Variants in ABCC3 observed in about 807,000 individuals in gnomAD.
ABCC3 encodes the protein ATP-binding cassette sub-family C member 3.
In ABCC3, 121 loss-of-function variants were observed where a neutral mutation model predicts 165.3. The ratio of observed to expected loss-of-function variants is 0.73; its 90% CI spans 0.63 to 0.85. ABCC3 has a LOEUF of 0.85. ABCC3 is among the 40% of genes least tolerant of loss of function. The pLI, the probability that ABCC3 is intolerant of heterozygous loss-of-function variation, is 0.00. For synonymous variants in ABCC3, 733 were observed against 810.1 expected (o/e 0.90, Z 1.62); for missense variants, 1,869 against 1,964.1 (o/e 0.95, Z 0.92).
intron 29 of ABCC3, among the ~76,000 whole-genome samples, chr17:50,685,826 TCTCCTC>T (rs1167500284): frequency 6.6e-6 from 1 of 151,984 alleles, no homozygotes; most frequent in Non-Finnish European, 1.5e-5. Flanking sequence ...CCCTCCATCT[TCTCCTC>T]CTCCTCCTCC....
intron 1 of ABCC3, among the ~76,000 whole-genome samples, chr17:50,644,324 A>AAAAAG (rs1213427602): frequency 6.7e-6 from 1 of 148,916 alleles, no homozygotes; most frequent in Non-Finnish European, 1.5e-5. Context: ...AAAAAAAAAA[A>AAAAAG]AAAAAAAAGG....
Position 50,668,453 on chromosome 17 carries a change from C to G in ABCC3, c.1806C>G (p.Ile602Met), listed in dbSNP as rs199965906. Residue 602 changes from isoleucine (I) to methionine (M), a missense_variant, in exon 14 of 31, where the codon ATC (isoleucine) becomes ATG (methionine). By Grantham distance (10) the Ile-to-Met change is conservative. Coordinates refer to ENST00000285238, the MANE Select transcript of ABCC3 (RefSeq NM_003786.4). ...LTQASVSLKRIQQFLSQEELD... is the reference protein window; with the variant it reads ...LTQASVSLKRMQQFLSQEELD... ...AGGCCAGTGTGTCTCTGAAACGGAT[C>G]CAGCAATTCCTGAGCCAAGAGGAAC... is the stretch of plus-strand genomic sequence containing the variant. 50 of 1,613,948 alleles carry G rather than the reference C, an allele frequency of 3.1e-5. No homozygotes were observed. Among genetic ancestry groups the G allele is most frequent in the Non-Finnish European group, 4.2e-5 (50 of 1,179,928 alleles).
At position 50,680,586 on chromosome 17, in the gene ABCC3, C is replaced by A. The variant is rs549577078; in HGVS notation, c.3807+687C>A. ...CTGGGACTCCCAATCCCATGACCCC[C>A]CTTTGTGTCTCTGTCCATCAGCTTC... On this transcript the variant is annotated intron_variant, in intron 26 of 30. Transcript: ENST00000285238. Among the ~76,000 whole-genome samples the A allele has an allele frequency of 7.2e-5, 11 of 152,308 alleles. No individual in the cohort carries two copies. The East Asian group carries it at 7.7e-4, about 11-fold the overall frequency.
chr17:50,686,065 G>A (rs1395442741), intron 29 of ABCC3, among the ~76,000 whole-genome samples: 1 of 152,144 alleles, frequency 6.6e-6, no homozygotes, highest in Non-Finnish European at 1.5e-5. Flanking sequence ...GTGATGGCGG[G>A]CGCCTGTAAT....
intron 1 of ABCC3, among the ~76,000 whole-genome samples, chr17:50,636,267 C>CAG: frequency 6.6e-6 from 1 of 151,948 alleles, no homozygotes; most frequent in Non-Finnish European, 1.5e-5. Context: ...GTGCTGTGCA[C>CAG]GTGTGTGCAC....
At position 50,683,652 on chromosome 17, in the gene ABCC3, C is replaced by A. The variant is rs539388070; in HGVS notation, c.3850C>A (p.Pro1284Thr). 11 of 1,599,818 alleles carry A rather than the reference C, an allele frequency of 6.9e-6. No individual in the cohort carries two copies. The South Asian group carries it at 1.1e-4, about 16-fold the overall frequency. The change falls in exon 27 of 31, where the codon CCC becomes ACC. Residue 1284 changes from proline (P) to threonine (T), a missense_variant. Pro to Thr is a conservative substitution (Grantham distance 38). Coordinates refer to ENST00000285238, the MANE Select transcript of ABCC3 (RefSeq NM_003786.4). ...AGGCAGCCGCCCTCCCGAAGGTTGG[C>A]CCCCACGTGGGGAGGTGGAGTTCCG... Reference protein sequence around the residue: ...VEGSRPPEGWPPRGEVEFRNY... With the variant: ...VEGSRPPEGWTPRGEVEFRNY...
Position 50,658,419 on chromosome 17 carries a change from T to C in ABCC3, c.613-16T>C. The C allele has an allele frequency of 2.5e-6, 4 of 1,612,786 alleles. No homozygotes were observed. The highest frequency in any genetic ancestry group is 3.4e-6 in the Non-Finnish European group (4 of 1,178,770). On this transcript the variant is annotated splice_polypyrimidine_tract_variant and intron_variant, in intron 5 of 30. Coordinates refer to ENST00000285238, the MANE Select transcript of ABCC3 (RefSeq NM_003786.4). ...GGGCACTCCTGATTCCCCCGTCCTATTCTCTCGCCTTCTAGAACCCCTACC... is the reference window on the plus strand; with the variant it reads ...GGGCACTCCTGATTCCCCCGTCCTACTCTCTCGCCTTCTAGAACCCCTACC...
Position 50,655,997 on chromosome 17 carries a change from A to T in ABCC3, c.211A>T (p.Lys71Ter). The change falls in exon 2 of 31, where the codon AAG (lysine) becomes TAG (stop). Residue 71 changes from lysine (K) to a stop codon, truncating the protein, a stop_gained. Transcript: ENST00000285238. LOFTEE classifies it high-confidence loss of function. Reference protein sequence around the residue: ...RGYIILSHLSKLKMVLGVLLW... With the variant: ...RGYIILSHLS ...CTACATCATCCTCTCCCACCTGTCC[A>T]AGCTCAAGATGGTCAGTGGCTCAGG... The T allele has an allele frequency of 6.2e-7, 1 of 1,613,684 alleles. No homozygotes were observed. Among genetic ancestry groups the T allele is most frequent in the Non-Finnish European group, 8.5e-7 (1 of 1,179,838 alleles).
At position 50,665,245 on chromosome 17, in the gene ABCC3, G is replaced by T; in HGVS notation, c.1431G>T (p.Gln477His). The change falls in exon 11 of 31, where the codon CAG becomes CAT. Residue 477 changes from glutamine to histidine, a missense_variant and splice_region_variant. By Grantham distance (24) the Gln-to-His change is conservative. Coordinates refer to ENST00000285238, the MANE Select transcript of ABCC3 (RefSeq NM_003786.4). ...GAVAVKMRAF[Q>H]VKQMKLKDSR... ...TGGCCGTGAAGATGCGCGCCTTCCA[G>T]GTAGGTGCTGTCAGAGGTGCATCCT... The T allele has an allele frequency of 2.5e-6, 4 of 1,609,612 alleles. No individual in the cohort carries two copies. The highest frequency in any genetic ancestry group is 3.4e-6 in the Non-Finnish European group (4 of 1,177,466).
In ABCC3 at chr17:50,656,817, G is replaced by T; in HGVS notation, c.338G>T (p.Gly113Val). The change falls in exon 3 of 31, where the codon GGG (glycine) becomes GTG (valine). Residue 113 changes from glycine (G) to valine (V), a missense_variant. By Grantham distance (109) the Gly-to-Val change is moderately radical. Transcript: ENST00000285238. ...PVFFVTPLVV[G>V]VTMLLATLLI... ...TTCTTTGTCACCCCCTTGGTGGTGG[G>T]GGTCACCATGGTCAGTGTGGGGCCC... 1 of 1,610,428 alleles carries T rather than the reference G, an allele frequency of 6.2e-7. No homozygotes were observed. The highest frequency in any genetic ancestry group is 8.5e-7 in the Non-Finnish European group (1 of 1,178,386).
In ABCC3 at chr17:50,653,377, A is replaced by G. The variant is rs188635060; in HGVS notation, c.46-2455A>G. 6.6e-5 allele frequency among the ~76,000 whole-genome samples: 10 copies of G among 151,716 alleles called. No homozygotes were observed. The East Asian group carries it at 1.7e-3, about 27-fold the overall frequency. ...AAAAAAAAAAAAGAAAAAGAAAAAG[A>G]AAAAGGAAAAGCTTTAGACAAATTT... On this transcript the variant is annotated intron_variant, in intron 1 of 30. Coordinates refer to ENST00000285238, the MANE Select transcript of ABCC3 (RefSeq NM_003786.4).
At chr17:50,659,463 G>T in intron 7 of ABCC3, 95 bp downstream of exon 7, 3 of 1,449,028 alleles carry the variant, frequency 2.1e-6, no homozygotes, top group East Asian at 2.3e-5. Context: ...GGCATTGCTG[G>T]GGTGGCAAGC....
chr17:50,658,614 C>G, intron 6 of ABCC3, 118 bp downstream of exon 6: 1 of 1,108,790 alleles, frequency 9.0e-7, no homozygotes, highest in Non-Finnish European at 1.4e-6. Context: ...CCACCCCCCA[C>G]CGCAGTGGGC....
At chr17:50,683,466 C>G in intron 26 of ABCC3, 144 bp from the exon 27 acceptor site, 2 of 864,616 alleles carry the variant, frequency 2.3e-6, no homozygotes, top group Non-Finnish European at 3.2e-6. Flanking sequence ...AGTCATTGAA[C>G]ACAAGGCTGA....
At position 50,663,741 on chromosome 17, in the gene ABCC3, T is replaced by C. The variant is rs1967452007; in HGVS notation, c.1059T>C (p.Ala353=). 1 of 1,614,218 alleles carries C rather than the reference T, an allele frequency of 6.2e-7. No individual in the cohort carries two copies. Among genetic ancestry groups the C allele is most frequent in the Non-Finnish European group, 8.5e-7 (1 of 1,180,026 alleles). ...MAPSWWGFLV[A]GLMFLCSMMQ... ...CCTCCTGGTGGGGCTTCCTGGTGGC[T>C]GGGCTGATGTTCCTGTGCTCCATGA... is the stretch of plus-strand genomic sequence containing the variant. The change falls in exon 9 of 31, where the codon GCT becomes GCC. Residue 353 remains alanine (A), a synonymous_variant. Coordinates refer to ENST00000285238, the MANE Select transcript of ABCC3 (RefSeq NM_003786.4).
intron 6 of ABCC3, 127 bp downstream of exon 6, chr17:50,658,623 GCACA>G: frequency 1.9e-6 from 2 of 1,048,596 alleles, no homozygotes; most frequent in Non-Finnish European, 2.9e-6. Context: ...ACCGCAGTGG[GCACA>G]GGGCAGATGA....
chr17:50,668,382 G>A (rs1225277498), intron 13 of ABCC3, 48 bp from the exon 14 acceptor site: 2 of 1,540,990 alleles, frequency 1.3e-6, no homozygotes, highest in Non-Finnish European at 1.8e-6. Flanking sequence ...GTAGGGGTTG[G>A]GGGTTGGGAA....
intron 30 of ABCC3, among the ~76,000 whole-genome samples, chr17:50,688,100 C>T (rs1343075129): frequency 2.0e-5 from 3 of 151,752 alleles, no homozygotes; most frequent in East Asian, 3.9e-4. Context: ...TTAGTAGAGA[C>T]GGTTTCACCA....
Position 50,655,942 on chromosome 17 carries a change from C to T in ABCC3, c.156C>T (p.Tyr52=), listed in dbSNP as rs1260797355. 1 of 1,613,978 alleles carries T rather than the reference C, an allele frequency of 6.2e-7. No individual in the cohort carries two copies. The highest frequency in any genetic ancestry group is 2.2e-5 in the East Asian group (1 of 44,886). ...CIYLWVALPC[Y]LLYLRHHCRG... Reference sequence around the variant, plus strand: ...ACCTGTGGGTCGCCCTGCCCTGCTACTTGCTCTACCTGCGGCACCATTGTC... The same window carrying T: ...ACCTGTGGGTCGCCCTGCCCTGCTATTTGCTCTACCTGCGGCACCATTGTC... Residue 52 remains tyrosine, a synonymous_variant, in exon 2 of 31, where the codon TAC becomes TAT. Transcript: ENST00000285238.
Sources: gnomAD v4.1 joint callset for allele counts (sites outside exome capture counted in the v4.1 genomes callset) on GRCh38, gnomAD v4.1.1 for gene constraint, MANE v1.5 for transcripts, NCBI Gene and HGNC (gene_info 2026-07-23, HGNC 2026-07-21) for gene names.